UNC13C: variants seen among roughly 807,000 people sequenced by gnomAD.
UNC13C encodes unc-13 homolog C, also known as protein unc-13 homolog C.
A neutral mutation model predicts 245.4 loss-of-function variants in UNC13C; 174 were observed. That is an observed-to-expected ratio of 0.71 (90% CI 0.63 to 0.80). The LOEUF is 0.80. UNC13C is among the 30% of genes least tolerant of loss of function. The probability of loss-of-function intolerance (pLI) is 0.00; values close to 1 mark genes in which losing one functional copy is unlikely to be tolerated. For missense variants in UNC13C, 2,829 were observed against 2,602.9 expected, an observed-to-expected ratio of 1.09 and a Z score of -1.89; for synonymous variants, 992 against 895.1, an observed-to-expected ratio of 1.11 and a Z score of -1.93.
chr15:54,527,389 G>A (rs571611678), intron 25 of UNC13C, among the ~76,000 whole-genome samples: 226 of 151,520 alleles, frequency 1.5e-3, no homozygotes, highest in African/African-American at 5.3e-3. Context: ...GTTAGGGGGA[G>A]GAAAAAAAAG....
At chr15:54,076,628 A>AGAG (rs76777259) in intron 2 of UNC13C, among the ~76,000 whole-genome samples, 70,676 of 151,702 alleles carry the variant, frequency 0.47, 18,359 homozygotes, top group Non-Finnish European at 0.59. Context: ...GGTTGCTGGC[A>AGAG]GAGTGATAGT....
the UNC13C span, among the ~76,000 whole-genome samples, chr15:53,905,995 G>C: frequency 6.6e-6 from 1 of 152,114 alleles, no homozygotes; most frequent in Non-Finnish European, 1.5e-5. Flanking sequence ...CTCTTGCCAG[G>C]ATGAGGTGTT....
At chr15:54,241,603 T>A (rs961997362) in intron 7 of UNC13C, among the ~76,000 whole-genome samples, 14 of 152,230 alleles carry the variant, frequency 9.2e-5, no homozygotes, top group Non-Finnish European at 1.6e-4. Context: ...CTGAGATAAC[T>A]TTGCTTCATC....
chr15:54,306,645 A>C (rs994237479), intron 13 of UNC13C, among the ~76,000 whole-genome samples: 1 of 152,014 alleles, frequency 6.6e-6, no homozygotes, highest in Admixed American at 6.6e-5. Flanking sequence ...TCAAGAAAAT[A>C]CATTTTCTTG....
At chr15:53,944,701 C>T in the UNC13C span, among the ~76,000 whole-genome samples, 1 of 152,172 alleles carries the variant, frequency 6.6e-6, no homozygotes, top group Non-Finnish European at 1.5e-5. Context: ...CATGTATTTG[C>T]TATCGTGAAT....
chr15:54,573,767 A>G (rs1182621354), intron 30 of UNC13C, among the ~76,000 whole-genome samples: 2 of 152,320 alleles, frequency 1.3e-5, no homozygotes, highest in East Asian at 3.9e-4. Flanking sequence ...TCTAGTACAG[A>G]GGCCAGGAAT....
intron 19 of UNC13C, among the ~76,000 whole-genome samples, chr15:54,492,574 T>C (rs916243406): frequency 4.6e-5 from 7 of 152,222 alleles, no homozygotes; most frequent in African/African-American, 1.7e-4. Context: ...TGTACACCTG[T>C]TTTGATTAAT....
chr15:54,551,730 C>T (rs942831800), intron 28 of UNC13C, among the ~76,000 whole-genome samples: 7 of 151,888 alleles, frequency 4.6e-5, no homozygotes, highest in Non-Finnish European at 7.4e-5. Flanking sequence ...AAAATAACTT[C>T]GTTCTGTATC....
At chr15:54,155,713 G>A (rs2032715939) in intron 4 of UNC13C, among the ~76,000 whole-genome samples, 1 of 152,186 alleles carries the variant, frequency 6.6e-6, no homozygotes, top group Non-Finnish European at 1.5e-5. Context: ...CCAGATGGGT[G>A]AATAAAAGTG....
chr15:54,591,488 G>C (rs932632943), intron 30 of UNC13C, among the ~76,000 whole-genome samples: 1 of 152,008 alleles, frequency 6.6e-6, no homozygotes, highest in East Asian at 1.9e-4. Flanking sequence ...TCTGTTCAGG[G>C]TATCTAATTT....
chr15:54,136,204 C>G (rs142735054), intron 2 of UNC13C, among the ~76,000 whole-genome samples: 33 of 152,226 alleles, frequency 2.2e-4, no homozygotes, highest in African/African-American at 7.5e-4. Flanking sequence ...GTGGGGTAAT[C>G]ACTGCTAACT....
intron 4 of UNC13C, among the ~76,000 whole-genome samples, chr15:54,203,798 G>T (rs1231333778): frequency 4.7e-5 from 5 of 105,576 alleles, no homozygotes; most frequent in African/African-American, 1.6e-4. Context: ...ATATACACAT[G>T]TGTATATGTC....
At chr15:53,949,358 G>A in the UNC13C span, among the ~76,000 whole-genome samples, 4 of 152,094 alleles carry the variant, frequency 2.6e-5, no homozygotes, top group African/African-American at 7.2e-5. Context: ...CACCTGGCTG[G>A]GAATGATTTA....
chr15:54,027,182 G>GA (rs201428032), intron 2 of UNC13C, among the ~76,000 whole-genome samples: 70,369 of 141,732 alleles, frequency 0.5, 17,911 homozygotes, highest in Non-Finnish European at 0.59. Flanking sequence ...GAAAAAAAAA[G>GA]AAAAAAAAAA....
At chr15:54,322,967 T>G (rs1265643569) in intron 14 of UNC13C, among the ~76,000 whole-genome samples, 1 of 151,082 alleles carries the variant, frequency 6.6e-6, no homozygotes, top group South Asian at 2.1e-4. Flanking sequence ...GGGTAGGCAG[T>G]AGCGCTGTTC....
the UNC13C span, chr15:53,914,721 C>G: frequency 2.6e-5 from 4 of 152,164 alleles, no homozygotes; most frequent in Non-Finnish European, 4.4e-5. Flanking sequence ...TGCCTACGGC[C>G]CCCCGAGTGT....
In UNC13C at chr15:54,015,365, G is replaced by C. The variant is rs747330747; in HGVS notation, c.2462G>C (p.Gly821Ala). The change falls in exon 2 of 33, where the codon GGG becomes GCG. Residue 821 changes from glycine (G) to alanine (A), a missense_variant. Gly to Ala is a moderately conservative substitution (Grantham distance 60). Transcript: ENST00000260323. ...AACAAAAGCACACAGAGTCTGAGTGGGTATGAGGACAGTGGCTCTTCATTA... is the reference window on the plus strand; with the variant it reads ...AACAAAAGCACACAGAGTCTGAGTGCGTATGAGGACAGTGGCTCTTCATTA... ...VWNKSTQSLS[G>A]YEDSGSSLMG... 6.2e-7 allele frequency: 1 copy of C among 1,613,768 alleles called. No individual in the cohort carries two copies. Among genetic ancestry groups the C allele is most frequent in the Non-Finnish European group, 8.5e-7 (1 of 1,179,830 alleles).
intron 2 of UNC13C, among the ~76,000 whole-genome samples, chr15:54,107,960 AG>A (rs1900531454): frequency 6.6e-6 from 1 of 152,218 alleles, no homozygotes; most frequent in African/African-American, 2.4e-5. Flanking sequence ...AACTGGTATG[AG>A]CAAAGGCAAA....
chr15:54,346,278 C>T (rs146095455), intron 17 of UNC13C, among the ~76,000 whole-genome samples: 10 of 152,264 alleles, frequency 6.6e-5, no homozygotes, highest in Admixed American at 2.6e-4. Flanking sequence ...TTTGTAGTAT[C>T]CTTCAGTGAC....
Sources: gnomAD v4.1 joint callset for allele counts (sites outside exome capture counted in the v4.1 genomes callset) on GRCh38, gnomAD v4.1.1 for gene constraint, MANE v1.5 for transcripts, NCBI Gene and HGNC (gene_info 2026-07-23, HGNC 2026-07-21) for gene names.